The following GON4L variants were observed in gnomAD, a reference collection of about 807,000 sequenced individuals.
The protein encoded by GON4L is gon-4 like.
Under a neutral mutation model 211.8 loss-of-function variants are expected in GON4L, and 87 were observed. The observed-to-expected ratio is 0.41, with a 90% CI of 0.35 to 0.49. The LOEUF is 0.49. GON4L is among the 20% of genes least tolerant of loss of function. The pLI, the probability that GON4L is intolerant of heterozygous loss-of-function variation, is 0.15. For missense variants in GON4L, 2,155 were observed against 2,659.5 expected, an observed-to-expected ratio of 0.81 and a Z score of 4.17; for synonymous variants, 875 against 962.6, an observed-to-expected ratio of 0.91 and a Z score of 1.68.
chr1:155,803,016 T>C (rs1052158553), intron 11 of GON4L, among the ~76,000 whole-genome samples: 8 of 152,174 alleles, frequency 5.3e-5, no homozygotes, highest in Non-Finnish European at 4.4e-5. Context: ...CACCCTGTCA[T>C]TCATAAAGCT....
chr1:155,763,234 C>T, intron 22 of GON4L, 78 bp downstream of exon 22: 3 of 1,400,256 alleles, frequency 2.1e-6, no homozygotes. Flanking sequence ...GGTTTATAAG[C>T]TACCCACCCT....
At position 155,763,469 on chromosome 1, in the gene GON4L, C is replaced by T. The variant is rs1485843047; in HGVS notation, c.4569G>A (p.Glu1523=). Residue 1523 remains glutamate (E), a synonymous_variant, in exon 22 of 32, where the codon GAG becomes GAA. Transcript: ENST00000368331. ...CTTCTTCTTCCTCCTCTTCTTCTGG[C>T]TCAGAGTTCTCCTCCTGAGAATTCT... ...EEENSQEENS[E]PEEEEEEEAE... The T allele has an allele frequency of 6.4e-7, 1 of 1,552,792 alleles. No individual in the cohort carries two copies. The highest frequency in any genetic ancestry group is 2.4e-5 in the East Asian group (1 of 41,182).
intron 2 of GON4L, chr1:155,846,048 A>G (rs1435121486): frequency 4.7e-6 from 1 of 214,466 alleles, no homozygotes; most frequent in African/African-American, 2.3e-5. Context: ...CAATTCATCT[A>G]TCAGCTGCAG....
chr1:155,772,222 C>T (rs566082809), intron 18 of GON4L, among the ~76,000 whole-genome samples: 1 of 151,682 alleles, frequency 6.6e-6, no homozygotes, highest in South Asian at 2.1e-4. Context: ...CATTAATAAA[C>T]GTGAGATCAT....
rs1425622478 is a variant in GON4L at position 155,825,391 on chromosome 1, G to A, written c.697+1446C>T. ...AGATCGAGACCAGCCTGGCCAACAT[G>A]GTGAAAGCCCGTCTCTACTAAAAAT... On this transcript the variant is annotated intron_variant, in intron 3 of 31. Transcript: ENST00000368331. 4.0e-5 allele frequency among the ~76,000 whole-genome samples: 6 copies of A among 149,528 alleles called. No individual in the cohort carries two copies. In the East Asian group the frequency reaches 8.0e-4, roughly 20 times the overall value.
At chr1:155,846,668 T>G (rs1386354595) in intron 2 of GON4L, 1 of 152,036 alleles carries the variant, frequency 6.6e-6, no homozygotes, top group Non-Finnish European at 1.5e-5. Context: ...TCTTATAAAC[T>G]AAACCAGCGT....
In GON4L at chr1:155,775,080, C is replaced by T. The variant is rs764198489; in HGVS notation, c.2272G>A (p.Gly758Arg). 1 of 1,613,564 alleles carries T rather than the reference C, an allele frequency of 6.2e-7. No individual in the cohort carries two copies. Among genetic ancestry groups the T allele is most frequent in the Non-Finnish European group, 8.5e-7 (1 of 1,179,548 alleles). ...AAGTCTTCAATCAGCTGCATAGCTC[C>T]CATCAAGTTACAGGGTTGGAACAGG... ...QTLFQPCNLM[G>R]AMQLIEDFST... The change falls in exon 17 of 32, where the codon GGA becomes AGA. Residue 758 changes from glycine to arginine, a missense_variant. Coordinates refer to ENST00000368331, the MANE Select transcript of GON4L (RefSeq NM_001282860.2).
chr1:155,818,884 G>C (rs1376331186), intron 6 of GON4L, among the ~76,000 whole-genome samples: 1 of 152,058 alleles, frequency 6.6e-6, no homozygotes, highest in Non-Finnish European at 1.5e-5. Context: ...TATAATCCCA[G>C]CTACTCAGCA....
chr1:155,758,642 G>T (rs1431071495), intron 24 of GON4L, among the ~76,000 whole-genome samples: 1 of 152,182 alleles, frequency 6.6e-6, no homozygotes, highest in Non-Finnish European at 1.5e-5. Flanking sequence ...ACTTCGGGAA[G>T]CCGAGGTAGG....
intron 3 of GON4L, among the ~76,000 whole-genome samples, chr1:155,825,770 C>T (rs931311466): frequency 6.6e-5 from 10 of 151,696 alleles, no homozygotes; most frequent in African/African-American, 1.5e-4. Context: ...GGGCCGGGTG[C>T]GGTGGCTCAT....
Position 155,760,617 on chromosome 1 carries a change from G to C in GON4L, c.4936C>G (p.Pro1646Ala). Residue 1646 changes from proline (P) to alanine (A), a missense_variant, in exon 24 of 32, where the codon CCT (proline) becomes GCT (alanine). Transcript: ENST00000368331. ...TGAAGGAAGTCTTCATACTTGCCAG[G>C]GATATGTTGTAGGGCTTCTCGCACC... is the stretch of plus-strand genomic sequence containing the variant. ...TRVREALQHI[P>A]GKYEDFLQVI... is the part of the protein sequence containing the mutation. 6.2e-7 allele frequency: 1 copy of C among 1,613,028 alleles called. No individual in the cohort carries two copies. The highest frequency in any genetic ancestry group is 8.5e-7 in the Non-Finnish European group (1 of 1,179,110).
rs1662389905 is a variant in GON4L at position 155,765,746 on chromosome 1, G to T, written c.3727C>A (p.Gln1243Lys). The change falls in exon 21 of 32, where the codon CAG becomes AAG. Residue 1243 changes from glutamine to lysine, a missense_variant. Physicochemically the swap from Gln to Lys is moderately conservative, Grantham distance 53 (BLOSUM62 1). Around this residue, in one of 6 missense-constraint regions of GON4L, gnomAD observed 615 missense variants for 625.7 expected, o/e 0.98. Transcript: ENST00000368331. ...CAVADGENAF[Q>K]GLEPKLEPQE... ...GGCTCTAATTTGGGTTCTAGGCCCT[G>T]AAAGGCATTTTCCCCATCAGCCACA... The T allele has an allele frequency of 1.9e-6, 3 of 1,614,190 alleles. No homozygotes were observed. Among genetic ancestry groups the T allele is most frequent in the Non-Finnish European group, 2.5e-6 (3 of 1,180,026 alleles).
intron 29 of GON4L, among the ~76,000 whole-genome samples, chr1:155,752,845 TG>T (rs1239209901): frequency 6.6e-6 from 1 of 151,628 alleles, no homozygotes; most frequent in Admixed American, 6.6e-5. Flanking sequence ...TGGGTGGAGG[TG>T]GGGGGCATAA....
intron 2 of GON4L, among the ~76,000 whole-genome samples, chr1:155,847,006 C>CA (rs901028585): frequency 2.0e-4 from 31 of 151,316 alleles, no homozygotes; most frequent in Admixed American, 3.9e-4. Flanking sequence ...GTCTCAAAAA[C>CA]AAAAAAACAA....
rs748241748 is a variant in GON4L, at chr1:155,753,425, G to A, written c.5632-11C>T. 3.1e-6 allele frequency: 5 copies of A among 1,602,922 alleles called. No individual in the cohort carries two copies. The highest frequency in any genetic ancestry group is 2.2e-5 in the East Asian group (1 of 44,836). On this transcript the variant is annotated splice_polypyrimidine_tract_variant and intron_variant, in intron 28 of 31. Coordinates refer to ENST00000368331, the MANE Select transcript of GON4L (RefSeq NM_001282860.2). ...TTTGCTGTCACAGACCTGCAGGGAT[G>A]GTCTTCCGGGTCAAAGGTGTTCTGA...
At chr1:155,807,302 C>A (rs533550373) in intron 10 of GON4L, among the ~76,000 whole-genome samples, 3 of 152,076 alleles carry the variant, frequency 2.0e-5, no homozygotes, top group Middle Eastern at 3.4e-3. Flanking sequence ...CAAGAGCCAA[C>A]GTGGGAGGAT....
chr1:155,820,810 C>G (rs1668662632), intron 5 of GON4L, among the ~76,000 whole-genome samples, 154 bp from the exon 6 acceptor site: 1 of 152,036 alleles, frequency 6.6e-6, no homozygotes, highest in African/African-American at 2.4e-5. Context: ...GTGAGACACC[C>G]TCCCTACAAA....
At chr1:155,804,148 C>A (rs1666932235) in intron 11 of GON4L, among the ~76,000 whole-genome samples, 2 of 151,424 alleles carry the variant, frequency 1.3e-5, no homozygotes, top group Admixed American at 6.6e-5. Flanking sequence ...TCTGGGAGGC[C>A]AAGGTGGGAG....
At chr1:155,845,436 A>T (rs573522978) in intron 2 of GON4L, 7 of 345,158 alleles carry the variant, frequency 2.0e-5, no homozygotes, top group Non-Finnish European at 4.1e-5. Flanking sequence ...AATGTGGTGG[A>T]TCATTTCAAC....
Sources: gnomAD v4.1 joint callset for allele counts (sites outside exome capture counted in the v4.1 genomes callset) on GRCh38, gnomAD v4.1.1 for gene constraint, gnomAD v4.1.1 regional missense constraint, MANE v1.5 for transcripts, NCBI Gene and HGNC (gene_info 2026-07-23, HGNC 2026-07-21) for gene names.